CDH2: variants seen among roughly 807,000 people sequenced by gnomAD.
CDH2 encodes the protein cadherin 2.
CDH2 carries 17 observed loss-of-function variants against 92.0 expected under a neutral mutation model. The ratio of observed to expected loss-of-function variants is 0.18; its 90% CI spans 0.13 to 0.28. CDH2 has a LOEUF of 0.28. Ranked by LOEUF, CDH2 falls within the 10% of genes least tolerant of loss-of-function variation. CDH2 has a pLI of 1.00. For synonymous variants in CDH2, 419 were observed against 415.9 expected (o/e 1.01, Z -0.09); for missense variants, 862 against 1,133.1 (o/e 0.76, Z 3.44).
intron 2 of CDH2, among the ~76,000 whole-genome samples, chr18:28,035,686 A>T (rs1015448331): frequency 6.6e-6 from 1 of 152,148 alleles, no homozygotes; most frequent in African/African-American, 2.4e-5. Flanking sequence ...TATGAAAATA[A>T]AAACCTCTGC....
At chr18:28,056,215 G>A (rs917855675) in intron 2 of CDH2, among the ~76,000 whole-genome samples, 1 of 152,042 alleles carries the variant, frequency 6.6e-6, no homozygotes, top group African/African-American at 2.4e-5. Context: ...ATTTTGTGAA[G>A]GGAATTTTAG....
intron 2 of CDH2, among the ~76,000 whole-genome samples, chr18:28,062,645 T>C (rs1387211224): frequency 2.0e-5 from 3 of 152,052 alleles, no homozygotes. Context: ...GATGCAACAT[T>C]AAGAAAAATG....
downstream of CDH2, among the ~76,000 whole-genome samples, chr18:27,950,046 T>C (rs1450470892): frequency 6.6e-6 from 1 of 152,012 alleles, no homozygotes; most frequent in East Asian, 1.9e-4. Context: ...TAAGAATCAA[T>C]TTTAGAAAAG....
chr18:27,975,307 T>C (rs1404887274), intron 14 of CDH2, among the ~76,000 whole-genome samples: 1 of 152,202 alleles, frequency 6.6e-6, no homozygotes, highest in Non-Finnish European at 1.5e-5. Context: ...CACGTAGCCT[T>C]ACTGTCACAA....
At chr18:28,105,855 G>A (rs986932471) in intron 2 of CDH2, among the ~76,000 whole-genome samples, 4 of 152,108 alleles carry the variant, frequency 2.6e-5, no homozygotes, top group Non-Finnish European at 4.4e-5. Flanking sequence ...ATTAAAATGG[G>A]TTTCTGGTAA....
At chr18:27,976,449 T>C (rs1170506455) in intron 14 of CDH2, among the ~76,000 whole-genome samples, 3 of 152,174 alleles carry the variant, frequency 2.0e-5, no homozygotes, top group Non-Finnish European at 4.4e-5. Flanking sequence ...GCTTCAAGGA[T>C]GGGAGAGCCT....
At chr18:28,175,988 C>T (rs1046475808) in intron 1 of CDH2, among the ~76,000 whole-genome samples, 1 of 152,158 alleles carries the variant, frequency 6.6e-6, no homozygotes, top group African/African-American at 2.4e-5. Flanking sequence ...CGGGAGGAGC[C>T]TGGGGGCATC....
chr18:27,972,975 AAGTGTGAG>A (rs370238118), intron 14 of CDH2, among the ~76,000 whole-genome samples: 4 of 152,316 alleles, frequency 2.6e-5, no homozygotes, highest in African/African-American at 9.6e-5. Flanking sequence ...TACGTTAAAA[AAGTGTGAG>A]AGTGTGGTAC....
intron 2 of CDH2, among the ~76,000 whole-genome samples, chr18:28,092,341 C>T (rs1473591383): frequency 7.9e-5 from 12 of 151,960 alleles, no homozygotes; most frequent in African/African-American, 2.2e-4. Context: ...TCACCTTAGC[C>T]TTTACTAAAG....
rs548974887 is a variant in CDH2 at position 28,142,923 on chromosome 18, TAGAA to T, written c.172+4746_172+4749del. Among the ~76,000 whole-genome samples, 633 of 152,152 alleles carry T rather than the reference TAGAA, an allele frequency of 4.2e-3. 3 individuals carry two copies. Among genetic ancestry groups the T allele is most frequent in the African/African-American group, 0.014 (601 of 41,540 alleles). On this transcript the variant is annotated intron_variant, in intron 2 of 15. Transcript: ENST00000269141. Reference sequence around the variant, plus strand: ...CAAAAGTACTCATATTATTAAAAAATAGAAGAGTTGTACAATTGTATAGTCCTAC... The same window carrying T: ...CAAAAGTACTCATATTATTAAAAAATGAGTTGTACAATTGTATAGTCCTAC...
At chr18:28,107,843 A>G (rs1395476977) in intron 2 of CDH2, among the ~76,000 whole-genome samples, 1 of 152,168 alleles carries the variant, frequency 6.6e-6, no homozygotes, top group African/African-American at 2.4e-5. Flanking sequence ...CCCCGCTAAC[A>G]CTTTGTAGTC....
chr18:28,083,290 C>G (rs1371849416), intron 2 of CDH2, among the ~76,000 whole-genome samples: 3 of 151,886 alleles, frequency 2.0e-5, no homozygotes, highest in Non-Finnish European at 2.9e-5. Context: ...AGACAAATAG[C>G]CAAAAATCAC....
chr18:28,148,266 A>G (rs959428429), intron 1 of CDH2, among the ~76,000 whole-genome samples: 4 of 152,234 alleles, frequency 2.6e-5, no homozygotes, highest in African/African-American at 9.6e-5. Flanking sequence ...TAATATACTT[A>G]CAACAGTGGG....
intron 2 of CDH2, among the ~76,000 whole-genome samples, chr18:28,073,663 C>G (rs1353392273): frequency 6.6e-6 from 1 of 152,128 alleles, no homozygotes. Flanking sequence ...AGCATTTGGA[C>G]TGGTACCTGG....
intron 1 of CDH2, among the ~76,000 whole-genome samples, chr18:28,171,111 T>A (rs1010764424): frequency 2.0e-5 from 3 of 151,278 alleles, no homozygotes; most frequent in African/African-American, 7.3e-5. Flanking sequence ...GCACACGTAA[T>A]CCCAGCTACA....
chr18:27,978,618 G>A (rs553278849), intron 14 of CDH2, among the ~76,000 whole-genome samples: 1 of 150,426 alleles, frequency 6.6e-6, no homozygotes, highest in East Asian at 2.0e-4. Context: ...AGTTGGGGGG[G>A]GGGATTCATT....
chr18:28,035,044 G>C (rs983470573), intron 2 of CDH2, among the ~76,000 whole-genome samples: 1 of 152,012 alleles, frequency 6.6e-6, no homozygotes, highest in Non-Finnish European at 1.5e-5. Context: ...TATTTCTCTC[G>C]AGTTTATCAT....
intron 2 of CDH2, among the ~76,000 whole-genome samples, chr18:28,040,566 T>G (rs1318876763): frequency 6.6e-6 from 1 of 152,072 alleles, no homozygotes; most frequent in Non-Finnish European, 1.5e-5. Context: ...AGAGCAAAAT[T>G]AACCACAGGC....
chr18:28,065,617 T>TGGTAACTAGC (rs1421311332), intron 2 of CDH2, among the ~76,000 whole-genome samples: 5 of 152,162 alleles, frequency 3.3e-5, no homozygotes, highest in Non-Finnish European at 5.9e-5. Context: ...AGGAAATCCA[T>TGGTAACTAGC]GGTAACTAGC....
Sources: allele counts gnomAD v4.1 joint callset (sites outside exome capture counted in the v4.1 genomes callset), GRCh38; gene constraint gnomAD v4.1.1; transcripts MANE v1.5; gene names NCBI Gene and HGNC (gene_info 2026-07-23, HGNC 2026-07-21).